The following JAKMIP3 variants were observed in gnomAD, a reference collection of about 807,000 sequenced individuals.
The protein encoded by JAKMIP3 is janus kinase and microtubule-interacting protein 3.
JAKMIP3 carries 58 observed loss-of-function variants against 118.5 expected under a neutral mutation model. That is an observed-to-expected ratio of 0.49 (90% confidence interval 0.40 to 0.61). The LOEUF is 0.61. Ranked by LOEUF, JAKMIP3 falls within the 20% of genes least tolerant of loss-of-function variation. JAKMIP3 has a pLI of 0.00. For missense variants in JAKMIP3, 950 were observed against 1,109.0 expected (o/e 0.86, Z 2.04); for synonymous variants, 486 against 451.2 (o/e 1.08, Z -0.98).
Position 132,122,233 on chromosome 10 carries a change from C to T in JAKMIP3, c.633+4659C>T, listed in dbSNP as rs536386179. ...CCTGACTGCCCCCCGGTCGGCTCCC[C>T]GGCTGTTGGGGCCCTGACTGCCCCC... is the stretch of plus-strand genomic sequence containing the variant. On this transcript the variant is annotated intron_variant, in intron 3 of 23. Transcript: ENST00000684848. Among the ~76,000 whole-genome samples, 15 of 150,922 alleles carry T rather than the reference C, an allele frequency of 9.9e-5. No individual in the cohort carries two copies. The East Asian group carries it at 1.2e-3, about 12-fold the overall frequency.
In JAKMIP3 at chr10:132,166,838, G is replaced by A. The variant is rs544776860; in HGVS notation, c.2491-145G>A. 18 of 643,480 alleles carry A rather than the reference G, an allele frequency of 2.8e-5. 1 individual carries two copies. The highest frequency in any genetic ancestry group is 9.2e-5 in the African/African-American group (5 of 54,606). The allele number at this position is 643,480 out of a possible 1,614,324, so 39.9% of individuals were successfully genotyped here. Reference sequence around the variant, plus strand: ...GGGATTTGGGCAGCATCCCTCCCTCGGCACAGTCCTTAATAGCGTCCTCTC... The same window carrying A: ...GGGATTTGGGCAGCATCCCTCCCTCAGCACAGTCCTTAATAGCGTCCTCTC... On this transcript the variant is annotated intron_variant, in intron 21 of 23. Coordinates refer to ENST00000684848, the MANE Select transcript of JAKMIP3 (RefSeq NM_001323087.2).
At chr10:132,108,912 A>G (rs561141249) in intron 2 of JAKMIP3, among the ~76,000 whole-genome samples, 7 of 149,462 alleles carry the variant, frequency 4.7e-5, no homozygotes, top group African/African-American at 1.7e-4. Context: ...ACGCAAATGT[A>G]TATATAAATT....
At chr10:132,120,892 G>C (rs1270580470) in intron 3 of JAKMIP3, among the ~76,000 whole-genome samples, 1 of 152,266 alleles carries the variant, frequency 6.6e-6, no homozygotes, top group Non-Finnish European at 1.5e-5. Context: ...ATCTACGCGT[G>C]AGGTGGAGGG....
chr10:132,159,491 G>GGT (rs2057607342), intron 19 of JAKMIP3, among the ~76,000 whole-genome samples: 1 of 91,606 alleles, frequency 1.1e-5, no homozygotes, highest in Non-Finnish European at 2.1e-5. Flanking sequence ...GCTGGAGGAG[G>GGT]CTCTCCCTGT....
At chr10:132,114,715 G>C (rs1043050278) in intron 2 of JAKMIP3, among the ~76,000 whole-genome samples, 2 of 152,146 alleles carry the variant, frequency 1.3e-5, no homozygotes, top group African/African-American at 4.8e-5. Context: ...ATAATATTGA[G>C]TCTTTGGGTT....
In JAKMIP3 at chr10:132,040,256, G is replaced by A. The variant is rs192150239; in HGVS notation, c.-138+3518G>A. Among the ~76,000 whole-genome samples the A allele has an allele frequency of 7.7e-3, 1,179 of 152,356 alleles. 11 individuals carry two copies. The highest frequency in any genetic ancestry group is 0.014 in the Admixed American group (214 of 15,306). On this transcript the variant is annotated intron_variant, in intron 1 of 23. Transcript: ENST00000657785. ...GCACAGAGGCAGCTCTGTAAGCCAGGAAGGACCCTCACCAGGAACCAAACC... is the reference window on the plus strand; with the variant it reads ...GCACAGAGGCAGCTCTGTAAGCCAGAAAGGACCCTCACCAGGAACCAAACC...
intron 1 of JAKMIP3, among the ~76,000 whole-genome samples, chr10:132,046,892 G>T (rs758545709): frequency 2.0e-5 from 3 of 152,056 alleles, no homozygotes; most frequent in Non-Finnish European, 2.9e-5. Flanking sequence ...GTTACAACTG[G>T]ATTTTTTTTT....
intron 9 of JAKMIP3, among the ~76,000 whole-genome samples, chr10:132,139,745 G>C (rs373979828): frequency 6.6e-6 from 1 of 152,218 alleles, no homozygotes; most frequent in Non-Finnish European, 1.5e-5. Context: ...AGTGGTTGGC[G>C]GGGAGTAGGG....
chr10:132,137,922 G>T (rs902136193), intron 8 of JAKMIP3, among the ~76,000 whole-genome samples, 197 bp from the exon 9 acceptor site: 22 of 152,192 alleles, frequency 1.4e-4, no homozygotes, highest in African/African-American at 5.1e-4. Context: ...TTGGGGAGCC[G>T]TCCGTGTCAC....
chr10:132,162,539 C>T (rs2058460758), intron 19 of JAKMIP3, among the ~76,000 whole-genome samples: 3 of 152,102 alleles, frequency 2.0e-5, no homozygotes, highest in South Asian at 2.1e-4. Context: ...ATTTTGTGGC[C>T]GCCAAGAACA....
At chr10:132,099,411 C>T (rs980944341) in intron 1 of JAKMIP3, among the ~76,000 whole-genome samples, 1 of 152,172 alleles carries the variant, frequency 6.6e-6, no homozygotes, top group Non-Finnish European at 1.5e-5. Flanking sequence ...TTATTACCTC[C>T]TCAGAGACCC....
rs117329974 is a variant in JAKMIP3 at position 132,133,269 on chromosome 10, C to T, written c.634-43C>T. 1,236 of 1,473,378 alleles carry T rather than the reference C, an allele frequency of 8.4e-4. 14 individuals are homozygous for T. The East Asian group carries it at 0.025, about 30-fold the overall frequency. 91.3% of individuals were successfully genotyped at this position (1,473,378 alleles called of 1,614,324 possible). A position where few individuals can be genotyped will look rare whatever the true frequency, so the allele number is the denominator to read the frequency against. On this transcript the variant is annotated intron_variant, in intron 3 of 23. Transcript: ENST00000684848. Reference sequence around the variant, plus strand: ...CCCGTTTCTATGGTAACTGCAGATCCGTGTCCTGCCGCCTGTGTGATTGTG... The same window carrying T: ...CCCGTTTCTATGGTAACTGCAGATCTGTGTCCTGCCGCCTGTGTGATTGTG...
chr10:132,161,085 C>A (rs2058184847), intron 19 of JAKMIP3, among the ~76,000 whole-genome samples: 1 of 98,272 alleles, frequency 1.0e-5, no homozygotes. Context: ...GGGGGGGCCT[C>A]TTCCTGTGTG....
chr10:132,039,204 T>G (rs967715370), intron 1 of JAKMIP3, among the ~76,000 whole-genome samples: 5 of 152,214 alleles, frequency 3.3e-5, no homozygotes, highest in African/African-American at 1.2e-4. Context: ...CAAGCTGGTC[T>G]TGAACTCCTG....
At chr10:132,134,919 C>T (rs772700340) in intron 4 of JAKMIP3, 122 bp from the exon 5 acceptor site, 96 of 1,238,730 alleles carry the variant, frequency 7.7e-5, no homozygotes, top group Middle Eastern at 2.4e-4. Flanking sequence ...TCCCGGCAGC[C>T]GCGTGGAGGT....
At chr10:132,092,741 A>G (rs1314646268) in intron 1 of JAKMIP3, among the ~76,000 whole-genome samples, 3 of 152,018 alleles carry the variant, frequency 2.0e-5, no homozygotes, top group South Asian at 2.1e-4. Context: ...GAGAAGTTTG[A>G]TCATCGGAAG....
At chr10:132,060,080 T>G (rs1224637281), upstream of JAKMIP3, among the ~76,000 whole-genome samples, 1 of 152,172 alleles carries the variant, frequency 6.6e-6, no homozygotes, top group Non-Finnish European at 1.5e-5. Context: ...GACCCTGGCA[T>G]AGAGCTTGGA....
chr10:132,168,880 C>A lies in JAKMIP3; in HGVS notation c.*950C>A, dbSNP rs531240602. On this transcript the variant is annotated 3_prime_UTR_variant, in exon 23 of 24. Transcript: ENST00000684848. ...ACGGGCCAGCCCTGCAGGCCATGGA[C>A]CCCGGCGGGCACCGAAGCCTCACCC... The A allele has an allele frequency of 1.6e-5, 1 of 63,862 alleles. No individual in the cohort carries two copies. Among genetic ancestry groups the A allele is most frequent in the South Asian group, 3.1e-4 (1 of 3,220 alleles). 4.0% of individuals were successfully genotyped at this position (63,862 alleles called of 1,614,324 possible).
chr10:132,101,908 G>C (rs553712474), intron 1 of JAKMIP3, among the ~76,000 whole-genome samples: 2 of 152,094 alleles, frequency 1.3e-5, no homozygotes, highest in Admixed American at 1.3e-4. Flanking sequence ...CATCCCCCTG[G>C]AGAGTCCCCT....
Sources: allele counts gnomAD v4.1 joint callset (sites outside exome capture counted in the v4.1 genomes callset), GRCh38; gene constraint gnomAD v4.1.1; transcripts MANE v1.5; gene names NCBI Gene and HGNC (gene_info 2026-07-23, HGNC 2026-07-21).